Variants in GREB1L observed in about 807,000 individuals in gnomAD.
GREB1L encodes GREB1-like protein.
GREB1L carries 17 observed loss-of-function variants against 200.8 expected under a neutral mutation model. The observed-to-expected ratio is 0.08, with a 90% CI of 0.06 to 0.13. The LOEUF (loss-of-function observed/expected upper bound fraction) is 0.13. Ranked by LOEUF, GREB1L falls within the 10% of genes least tolerant of loss-of-function variation. The pLI, the probability that GREB1L is intolerant of heterozygous loss-of-function variation, is 1.00. For missense variants in GREB1L, 1,657 were observed against 2,367.7 expected, an observed-to-expected ratio of 0.70 and a Z score of 6.23; for synonymous variants, 789 against 893.0, an observed-to-expected ratio of 0.88 and a Z score of 2.08.
At chr18:21,501,065 T>C (rs2036768308) in intron 23 of GREB1L, among the ~76,000 whole-genome samples, 3 of 84,724 alleles carry the variant, frequency 3.5e-5, no homozygotes, top group Non-Finnish European at 5.8e-5. Context: ...AGACTTTGTC[T>C]CAAAAAAAAA....
rs141461773 is a variant in GREB1L at position 21,251,868 on chromosome 18, C to T, written c.-120+9475C>T. On this transcript the variant is annotated intron_variant, in intron 1 of 32. Transcript: ENST00000424526. ...GCTGAGGCAGGAGAATCGCTTGAAC[C>T]GAGGAGGCAGAGGTTGCAGTGAGCT... is the stretch of plus-strand genomic sequence containing the variant. 8.2e-3 allele frequency among the ~76,000 whole-genome samples: 1,209 copies of T among 148,300 alleles called. 19 individuals are homozygous for T. The highest frequency in any genetic ancestry group is 0.028 in the African/African-American group (1,097 of 39,526).
intron 10 of GREB1L, among the ~76,000 whole-genome samples, chr18:21,443,988 A>C (rs2034064914): frequency 1.3e-5 from 2 of 152,256 alleles, no homozygotes. Context: ...CGTGGAACCC[A>C]CAGACATAGA....
chr18:21,353,410 G>T (rs1244967714), intron 1 of GREB1L, among the ~76,000 whole-genome samples: 2 of 151,746 alleles, frequency 1.3e-5, no homozygotes, highest in African/African-American at 2.4e-5. Context: ...CTCTATTGAT[G>T]GAATATTTGT....
intron 15 of GREB1L, among the ~76,000 whole-genome samples, chr18:21,471,278 C>A (rs1448217415): frequency 6.6e-6 from 1 of 152,206 alleles, no homozygotes. Flanking sequence ...GATGGCTTAA[C>A]TCACGCTGCT....
At chr18:21,268,560 C>CACACACATATATATATATATATAT (rs1204514384) in intron 1 of GREB1L, among the ~76,000 whole-genome samples, 1 of 63,520 alleles carries the variant, frequency 1.6e-5, no homozygotes, top group African/African-American at 7.5e-5. Context: ...CACACACACA[C>CACACACATATATATATATATATAT]ATATATATAT....
At chr18:21,304,937 C>G (rs1175874379) in intron 1 of GREB1L, among the ~76,000 whole-genome samples, 1 of 152,024 alleles carries the variant, frequency 6.6e-6, no homozygotes, top group South Asian at 2.1e-4. Context: ...GAGGCCTTTC[C>G]TGAACATCTC....
chr18:21,277,313 A>G (rs1171405984), intron 1 of GREB1L, among the ~76,000 whole-genome samples: 1 of 152,190 alleles, frequency 6.6e-6, no homozygotes, highest in Non-Finnish European at 1.5e-5. Context: ...AGGCTCGTGC[A>G]GGTGCCCTGG....
In GREB1L at chr18:21,251,099, A is replaced by C. The variant is rs527843713; in HGVS notation, c.-120+8706A>C. 2.6e-5 allele frequency among the ~76,000 whole-genome samples: 4 copies of C among 152,344 alleles called. No homozygotes were observed. In the East Asian group the frequency reaches 7.7e-4, roughly 29 times the overall value. On this transcript the variant is annotated intron_variant, in intron 1 of 32. Coordinates refer to ENST00000424526, the MANE Select transcript of GREB1L (RefSeq NM_001142966.3). ...GGGAGGCCAAAGTGGGAGGAAGAGC[A>C]CTTGAAGCCAGGAGTTCGAGACTAG...
intron 1 of GREB1L, among the ~76,000 whole-genome samples, chr18:21,265,292 A>G (rs757173230): frequency 6.6e-5 from 10 of 152,220 alleles, no homozygotes; most frequent in Non-Finnish European, 8.8e-5. Context: ...GTGAAATAGT[A>G]CATATTCATA....
intron 1 of GREB1L, among the ~76,000 whole-genome samples, chr18:21,290,824 CAAAAAA>C (rs752840997): frequency 1.6e-5 from 1 of 63,204 alleles, no homozygotes; most frequent in Non-Finnish European, 3.5e-5. Context: ...GACTCTGTCT[CAAAAAA>C]AAAAAAAAAA....
Position 21,360,355 on chromosome 18 carries a change from A to G in GREB1L, c.-119-5672A>G, listed in dbSNP as rs1692920002. On this transcript the variant is annotated intron_variant, in intron 1 of 32. Coordinates refer to ENST00000424526, the MANE Select transcript of GREB1L (RefSeq NM_001142966.3). Reference sequence around the variant, plus strand: ...TGCCTCAGCCTCCTAAGTAGCTGGGAGTACAGGTGCTTGCCACCACACCTA... The same window carrying G: ...TGCCTCAGCCTCCTAAGTAGCTGGGGGTACAGGTGCTTGCCACCACACCTA... Among the ~76,000 whole-genome samples the G allele has an allele frequency of 2.0e-5, 3 of 151,880 alleles. 1 individual carries two copies. The South Asian group carries it at 6.2e-4, about 31-fold the overall frequency.
chr18:21,376,710 C>A (rs890767573), intron 2 of GREB1L, among the ~76,000 whole-genome samples: 29 of 147,160 alleles, frequency 2.0e-4, no homozygotes, highest in Middle Eastern at 3.4e-3. Context: ...GAGGCTGAGG[C>A]AGGAGAGTGG....
chr18:21,440,035 C>T (rs1393610763), intron 8 of GREB1L, among the ~76,000 whole-genome samples: 1 of 152,156 alleles, frequency 6.6e-6, no homozygotes, highest in Non-Finnish European at 1.5e-5. Context: ...AAATAACCTA[C>T]ATAAACTTGG....
rs73959820 is a variant in GREB1L, at chr18:21,245,198, G to A, written c.-120+2805G>A. Among the ~76,000 whole-genome samples, 1,170 of 152,246 alleles carry A rather than the reference G, an allele frequency of 7.7e-3. 22 individuals are homozygous for A. The highest frequency in any genetic ancestry group is 0.027 in the African/African-American group (1,117 of 41,550). ...GGGATTTCAAAGGTACACTGTAAGC[G>A]ATGATTGCAAAAAGTGTTGATGTTA... On this transcript the variant is annotated intron_variant, in intron 1 of 32. Coordinates refer to ENST00000424526, the MANE Select transcript of GREB1L (RefSeq NM_001142966.3).
chr18:21,462,905 C>T (rs763098375), intron 15 of GREB1L, among the ~76,000 whole-genome samples: 1 of 152,112 alleles, frequency 6.6e-6, no homozygotes, highest in East Asian at 1.9e-4. Flanking sequence ...AACCTAACTG[C>T]ATATCACATT....
intron 1 of GREB1L, among the ~76,000 whole-genome samples, chr18:21,257,616 C>T (rs1366580415): frequency 1.3e-5 from 2 of 152,140 alleles, no homozygotes; most frequent in Non-Finnish European, 2.9e-5. Flanking sequence ...TCAACTTCTG[C>T]CTCCAGAGTA....
intron 1 of GREB1L, among the ~76,000 whole-genome samples, chr18:21,323,670 G>T (rs1452532032): frequency 6.6e-6 from 1 of 152,074 alleles, no homozygotes; most frequent in South Asian, 2.1e-4. Context: ...AGAGTTCGAG[G>T]CTGTTGTGCA....
At chr18:21,451,561 C>T (rs1338893425) in intron 13 of GREB1L, among the ~76,000 whole-genome samples, 1 of 139,750 alleles carries the variant, frequency 7.2e-6, no homozygotes, top group African/African-American at 2.6e-5. Flanking sequence ...GATTATAGCT[C>T]ACTGCTTGAC....
intron 7 of GREB1L, among the ~76,000 whole-genome samples, chr18:21,431,180 C>T (rs975919688): frequency 8.5e-5 from 13 of 152,090 alleles, no homozygotes; most frequent in African/African-American, 2.2e-4. Context: ...CACCACCACA[C>T]GTGGCTAATT....
Sources: allele counts gnomAD v4.1 joint callset (sites outside exome capture counted in the v4.1 genomes callset), GRCh38; gene constraint gnomAD v4.1.1; transcripts MANE v1.5; gene names NCBI Gene and HGNC (gene_info 2026-07-23, HGNC 2026-07-21).